The following NRBF2 variants were observed in gnomAD, a reference collection of about 807,000 sequenced individuals.
NRBF2 encodes the protein nuclear receptor binding factor 2, also known as nuclear receptor-binding factor 2.
Under a neutral mutation model 28.5 loss-of-function variants are expected in NRBF2, and 12 were observed. The ratio of observed to expected loss-of-function variants is 0.42; its 90% CI spans 0.27 to 0.68. The LOEUF is 0.68. Among genes scored for constraint, NRBF2 ranks in the 30% least tolerant of loss-of-function variants. The probability of loss-of-function intolerance (pLI) is 0.24; values close to 1 mark genes in which losing one functional copy is unlikely to be tolerated. For missense variants in NRBF2, 274 were observed against 333.5 expected, an observed-to-expected ratio of 0.82 and a Z score of 1.39; for synonymous variants, 102 against 116.5, an observed-to-expected ratio of 0.88 and a Z score of 0.80.
At chr10:63,146,090 G>T (rs755134166) in intron 1 of NRBF2, 119 bp from the exon 2 acceptor site, 3 of 752,236 alleles carry the variant, frequency 4.0e-6, no homozygotes, top group Non-Finnish European at 6.9e-6. Context: ...AGCTGTAATA[G>T]TGATTTGATA....
Position 63,153,728 on chromosome 10 carries a change from A to C in NRBF2, c.374A>C (p.Lys125Thr). The change falls in exon 4 of 4, where the codon AAA (lysine) becomes ACA (threonine). Residue 125 changes from lysine to threonine, a missense_variant. Transcript: ENST00000277746. ...CAGAAGTACAGCCCTTCCACAGAGA[A>C]ATGCCTGCCTGAGATTCAGGGGATC... Reference protein sequence around the residue: ...LSQKYSPSTEKCLPEIQGIFD... With the variant: ...LSQKYSPSTETCLPEIQGIFD... 1 of 1,612,660 alleles carries C rather than the reference A, an allele frequency of 6.2e-7. No homozygotes were observed. Among genetic ancestry groups the C allele is most frequent in the Non-Finnish European group, 8.5e-7 (1 of 1,179,748 alleles).
At chr10:63,141,489 T>TA (rs1484228562) in intron 1 of NRBF2, among the ~76,000 whole-genome samples, 8 of 152,202 alleles carry the variant, frequency 5.3e-5, no homozygotes, top group African/African-American at 1.9e-4. Context: ...TAGACCCAAC[T>TA]ATATTGTCAA....
chr10:63,150,357 G>C, intron 2 of NRBF2: 1 of 982,268 alleles, frequency 1.0e-6, no homozygotes, highest in Non-Finnish European at 1.2e-6. Flanking sequence ...TGTAATTATG[G>C]TAAGCATAGC....
intron 1 of NRBF2, among the ~76,000 whole-genome samples, chr10:63,135,717 G>T (rs532033488): frequency 6.9e-4 from 104 of 149,952 alleles, no homozygotes; most frequent in Non-Finnish European, 3.8e-4. Flanking sequence ...CGCGATCTCA[G>T]CTCACTGCAA....
intron 1 of NRBF2, among the ~76,000 whole-genome samples, chr10:63,138,470 C>T (rs1409200211): frequency 1.4e-5 from 2 of 147,236 alleles, no homozygotes; most frequent in African/African-American, 2.5e-5. Context: ...AGCGACTGAG[C>T]GAGACCTTGT....
chr10:63,154,053 T>A lies in NRBF2; in HGVS notation c.699T>A (p.His233Gln), dbSNP rs1233806101. 1 of 1,613,214 alleles carries A rather than the reference T, an allele frequency of 6.2e-7. No homozygotes were observed. Among genetic ancestry groups the A allele is most frequent in the Non-Finnish European group, 8.5e-7 (1 of 1,179,858 alleles). The change falls in exon 4 of 4, where the codon CAT (histidine) becomes CAA (glutamine). Residue 233 changes from histidine (H) to glutamine (Q), a missense_variant. By Grantham distance (24) the His-to-Gln change is conservative. Transcript: ENST00000277746. ...ETSELWSLPPHAETATASSTW... is the reference protein window; with the variant it reads ...ETSELWSLPPQAETATASSTW... ...CAGAGTTATGGAGCTTGCCACCACA[T>A]GCAGAAACTGCTACAGCCTCCTCAA...
intron 2 of NRBF2, among the ~76,000 whole-genome samples, chr10:63,151,860 T>C (rs1041447511): frequency 2.6e-5 from 4 of 152,236 alleles, no homozygotes; most frequent in Non-Finnish European, 5.9e-5. Context: ...GTTTGATTTT[T>C]ATCTTTCCTA....
At chr10:63,144,738 C>T (rs1841533216) in intron 1 of NRBF2, among the ~76,000 whole-genome samples, 1 of 152,130 alleles carries the variant, frequency 6.6e-6, no homozygotes, top group African/African-American at 2.4e-5. Flanking sequence ...CTTTTAAAGA[C>T]AGTACCTTTC....
chr10:63,146,242 T>G lies in NRBF2; in HGVS notation c.64T>G (p.Leu22Val), dbSNP rs763339084. 15 of 1,612,436 alleles carry G rather than the reference T, an allele frequency of 9.3e-6. No homozygotes were observed. The Admixed American group carries it at 1.8e-4, about 20-fold the overall frequency. ...ACAGAGCAGACGAGCAGACCGTTTA[T>G]TAGCTGCAGGCAAATACGAAGAGGC... Reference protein sequence around the residue: ...HQQSRRADRLLAAGKYEEAIS... With the variant: ...HQQSRRADRLVAAGKYEEAIS... Residue 22 changes from leucine to valine, a missense_variant, in exon 2 of 4, where the codon TTA becomes GTA. Coordinates refer to ENST00000277746, the MANE Select transcript of NRBF2 (RefSeq NM_030759.5).
chr10:63,149,418 GT>G (rs1841612604), intron 2 of NRBF2, among the ~76,000 whole-genome samples: 1 of 152,126 alleles, frequency 6.6e-6, no homozygotes, highest in Admixed American at 6.5e-5. Context: ...TTCCTTTATT[GT>G]ATCATTCGCT....
intron 1 of NRBF2, among the ~76,000 whole-genome samples, chr10:63,142,026 C>T (rs2132682744): frequency 7.1e-6 from 1 of 141,282 alleles, no homozygotes; most frequent in South Asian, 2.2e-4. Context: ...TGTTTGAGAA[C>T]TTTTTATTTT....
chr10:63,147,181 T>C (rs748528259), intron 2 of NRBF2, among the ~76,000 whole-genome samples: 3 of 152,144 alleles, frequency 2.0e-5, no homozygotes, highest in Non-Finnish European at 4.4e-5. Flanking sequence ...ATCAGAGCCA[T>C]ATTCTTTCTT....
intron 1 of NRBF2, among the ~76,000 whole-genome samples, chr10:63,145,087 A>C (rs1000804622): frequency 1.3e-5 from 2 of 150,788 alleles, no homozygotes; most frequent in Non-Finnish European, 2.9e-5. Context: ...CAGCTGAAAT[A>C]ATGTATATTA....
At chr10:63,145,101 CTTTTT>C (rs34823556) in intron 1 of NRBF2, among the ~76,000 whole-genome samples, 1 of 85,908 alleles carries the variant, frequency 1.2e-5, no homozygotes, top group African/African-American at 5.1e-5. Flanking sequence ...TATATTAAAG[CTTTTT>C]TTTTTTTTTT....
intron 1 of NRBF2, among the ~76,000 whole-genome samples, chr10:63,136,823 C>T (rs965239000): frequency 4.6e-5 from 7 of 152,218 alleles, no homozygotes; most frequent in African/African-American, 1.7e-4. Context: ...GCAGTAAGGG[C>T]CTTAGAAATT....
At chr10:63,151,778 G>A (rs764731363) in intron 2 of NRBF2, among the ~76,000 whole-genome samples, 1 of 152,098 alleles carries the variant, frequency 6.6e-6, no homozygotes, top group African/African-American at 2.4e-5. Context: ...GTATTCAGAC[G>A]GATAAAAAGT....
chr10:63,139,592 G>A (rs529920698), intron 1 of NRBF2, among the ~76,000 whole-genome samples: 54 of 152,268 alleles, frequency 3.5e-4, no homozygotes, highest in African/African-American at 1.3e-3. Flanking sequence ...AAAGAAAGGT[G>A]CAGGAAGGGC....
chr10:63,150,022 A>G (rs1382168075), intron 2 of NRBF2, among the ~76,000 whole-genome samples: 3 of 150,764 alleles, frequency 2.0e-5, no homozygotes, highest in East Asian at 1.9e-4. Flanking sequence ...GCTCAGTGCA[A>G]CCTCCACCTC....
rs1475651461 is a variant in NRBF2, at chr10:63,145,291, G to C, written c.31-918G>C. 3.3e-5 allele frequency among the ~76,000 whole-genome samples: 5 copies of C among 151,904 alleles called. No homozygotes were observed. In the East Asian group the frequency reaches 5.8e-4, roughly 18 times the overall value. Reference sequence around the variant, plus strand: ...GTGTTTCACCCTGTTAGCCAGGATGGTCTCGATCTCCTGACCTCATGATCT... The same window carrying C: ...GTGTTTCACCCTGTTAGCCAGGATGCTCTCGATCTCCTGACCTCATGATCT... On this transcript the variant is annotated intron_variant, in intron 1 of 3. Transcript: ENST00000277746.
Sources: gnomAD v4.1 joint callset for allele counts (sites outside exome capture counted in the v4.1 genomes callset) on GRCh38, gnomAD v4.1.1 for gene constraint, MANE v1.5 for transcripts, NCBI Gene and HGNC (gene_info 2026-07-23, HGNC 2026-07-21) for gene names.